SETD1B: variants seen among roughly 807,000 people sequenced by gnomAD.
SETD1B encodes the protein SET domain containing 1B, histone lysine methyltransferase, also known as histone-lysine N-methyltransferase SETD1B.
In SETD1B, 7 loss-of-function variants were observed where a neutral mutation model predicts 148.0. The observed-to-expected ratio is 0.05, with a 90% CI of 0.03 to 0.09. SETD1B has a LOEUF of 0.09. SETD1B is among the 10% of genes least tolerant of loss of function. SETD1B has a pLI of 1.00. For missense variants in SETD1B, 2,155 were observed against 2,729.9 expected (o/e 0.79, Z 4.69); for synonymous variants, 1,361 against 1,186.5 (o/e 1.15, Z -3.02).
At chr12:121,798,607 C>A in the SETD1B span, among the ~76,000 whole-genome samples, 1 of 152,214 alleles carries the variant, frequency 6.6e-6, no homozygotes, top group Non-Finnish European at 1.5e-5. Context: ...TAGCCCATGG[C>A]GAACTATCTC....
intron 4 of SETD1B, among the ~76,000 whole-genome samples, chr12:121,807,458 AAAAG>A (rs1239396425): frequency 8.2e-5 from 12 of 146,292 alleles, no homozygotes; most frequent in African/African-American, 2.8e-4. Flanking sequence ...AAAAAAAAAA[AAAAG>A]AAAAGAAAAG....
chr12:121,806,317 C>G (rs984321129), intron 4 of SETD1B, among the ~76,000 whole-genome samples: 2 of 152,046 alleles, frequency 1.3e-5, no homozygotes, highest in Admixed American at 6.5e-5. Context: ...CCAAATGTGC[C>G]GGTCCTTGGC....
chr12:121,802,254 CAA>C (rs1875411392), upstream of SETD1B: 2 of 152,208 alleles, frequency 1.3e-5, no homozygotes, highest in African/African-American at 4.8e-5. Flanking sequence ...ACAAGAGAGA[CAA>C]AGACATACAT....
chr12:121,828,155 A>G (rs1000832831), intron 16 of SETD1B, 85 bp downstream of exon 16: 1 of 1,503,676 alleles, frequency 6.7e-7, no homozygotes, highest in Non-Finnish European at 8.9e-7. Flanking sequence ...AAGCCCCGGC[A>G]CGGGAATCAG....
chr12:121,812,613 G>A (rs1196471465), intron 6 of SETD1B, among the ~76,000 whole-genome samples: 1 of 152,118 alleles, frequency 6.6e-6, no homozygotes, highest in Non-Finnish European at 1.5e-5. Flanking sequence ...GGCTGGCGGC[G>A]GCGGCCCGGG....
At chr12:121,794,693 T>TA in the SETD1B span, among the ~76,000 whole-genome samples, 1 of 152,086 alleles carries the variant, frequency 6.6e-6, no homozygotes, top group Non-Finnish European at 1.5e-5. Context: ...GAATTACCCG[T>TA]AACCCCCACC....
chr12:121,807,431 A>C (rs148920004), intron 4 of SETD1B, among the ~76,000 whole-genome samples: 201 of 135,790 alleles, frequency 1.5e-3, no homozygotes, highest in African/African-American at 4.3e-3. Context: ...GTCTCAACAA[A>C]ATTTCAATTC....
In SETD1B at chr12:121,817,662, G is replaced by A. The variant is rs756313518; in HGVS notation, c.3270G>A (p.Arg1090=). 2.6e-6 allele frequency: 4 copies of A among 1,550,810 alleles called. No individual in the cohort carries two copies. The highest frequency in any genetic ancestry group is 3.5e-6 in the Non-Finnish European group (4 of 1,146,698). ...AGGAGGAGGAGGAGGAAGTCCCCAG[G>A]AGCCAGCTCTCCTCCTCCTCAACCT... The part of the protein sequence containing the change: ...AEEEEEEEVP[R]SQLSSSSTSS... The change falls in exon 9 of 17, where the codon AGG becomes AGA. Residue 1090 remains arginine, a synonymous_variant. Coordinates refer to ENST00000604567, the MANE Select transcript of SETD1B (RefSeq NM_001353345.2). The surrounding 1 kb of genome is among the most constrained non-coding windows in gnomAD (Gnocchi z 8.1).
chr12:121,827,781 G>T lies in SETD1B; in HGVS notation c.5516G>T (p.Trp1839Leu). ...TTCTGCAAGAGCCACATTCACGACTGGGGCTTGTTCGCCATGGAGCCCATC... is the reference window on the plus strand; with the variant it reads ...TTCTGCAAGAGCCACATTCACGACTTGGGCTTGTTCGCCATGGAGCCCATC... ...LKFCKSHIHDWGLFAMEPIAA... is the reference protein window; with the variant it reads ...LKFCKSHIHDLGLFAMEPIAA... The change falls in exon 15 of 17, where the codon TGG becomes TTG. Residue 1839 changes from tryptophan (W) to leucine (L), a missense_variant. Trp to Leu is a moderately conservative substitution (Grantham distance 61, BLOSUM62 -2). Coordinates refer to ENST00000604567, the MANE Select transcript of SETD1B (RefSeq NM_001353345.2). 1 of 1,554,640 alleles carries T rather than the reference G, an allele frequency of 6.4e-7. No individual in the cohort carries two copies. Among genetic ancestry groups the T allele is most frequent in the Non-Finnish European group, 8.7e-7 (1 of 1,148,358 alleles).
chr12:121,820,001 TCA>T (rs1876493762), intron 11 of SETD1B, 106 bp downstream of exon 11: 1 of 952,364 alleles, frequency 1.1e-6, no homozygotes, highest in African/African-American at 1.7e-5. Flanking sequence ...GTCCCCAGCC[TCA>T]GTTTCCCGTG....
Position 121,805,268 on chromosome 12 carries a change from G to C in SETD1B, c.273+52G>C. 4 of 1,408,128 alleles carry C rather than the reference G, an allele frequency of 2.8e-6. No individual in the cohort carries two copies. Among genetic ancestry groups the C allele is most frequent in the Non-Finnish European group, 3.9e-6 (4 of 1,021,472 alleles). The allele number at this position is 1,408,128 out of a possible 1,614,324, so 87.2% of individuals were successfully genotyped here. ...GTCCCTCCCCCACCTCCCCGAGTTC[G>C]AAAATAACGCCAGTCCTGACCGAGC... On this transcript the variant is annotated intron_variant, in intron 3 of 16. Coordinates refer to ENST00000604567, the MANE Select transcript of SETD1B (RefSeq NM_001353345.2). The surrounding 1 kb of genome is among the most constrained non-coding windows in gnomAD (Gnocchi z 4.2).
rs183003739 is a variant in SETD1B at position 121,810,301 on chromosome 12, C to T, written c.1356C>T (p.Pro452=). 7.2e-4 allele frequency: 1,118 copies of T among 1,543,012 alleles called. 3 individuals are homozygous for T. Among genetic ancestry groups the T allele is most frequent in the South Asian group, 4.3e-3 (365 of 83,968 alleles). ...CCAAGGAGAAGCCAGGCACGCCACC[C>T]GGCCCGCCGCCCCCCGACACCAACA... is the stretch of plus-strand genomic sequence containing the variant. ...PLAKEKPGTP[P]GPPPPDTNSM... is the part of the protein sequence containing the mutation. The change falls in exon 6 of 17, where the codon CCC becomes CCT. Residue 452 remains proline, a synonymous_variant. Coordinates refer to ENST00000604567, the MANE Select transcript of SETD1B (RefSeq NM_001353345.2). This position sits in a 1 kb window ranked among gnomAD's most constrained non-coding sequence, Gnocchi z 7.6.
Position 121,817,027 on chromosome 12 carries a change from C to T in SETD1B, c.2716-6C>T, listed in dbSNP as rs552232306. The T allele has an allele frequency of 6.6e-7, 1 of 1,509,674 alleles. No individual in the cohort carries two copies. Among genetic ancestry groups the T allele is most frequent in the African/African-American group, 1.4e-5 (1 of 72,464 alleles). 93.5% of individuals were successfully genotyped at this position (1,509,674 alleles called of 1,614,324 possible). A position where few individuals can be genotyped will look rare whatever the true frequency, so the allele number is the denominator to read the frequency against. On this transcript the variant is annotated splice_region_variant and splice_polypyrimidine_tract_variant and intron_variant, in intron 7 of 16. Transcript: ENST00000604567. This position sits in a 1 kb window ranked among gnomAD's most constrained non-coding sequence, Gnocchi z 8.1. The stretch of plus-strand genomic sequence containing the variant: ...CGGTGACGGTCCCCTCCTGTCTCCA[C>T]CCCAGGCCTCGCTGACCCCGGTGAA...
In SETD1B at chr12:121,810,201, C is replaced by A; in HGVS notation, c.1256C>A (p.Ala419Asp). ...PPPEEPTATAAFGARDSGEFR... is the reference protein window; with the variant it reads ...PPPEEPTATADFGARDSGEFR... The stretch of plus-strand genomic sequence containing the variant: ...CCGGAAGAGCCCACCGCCACAGCCG[C>A]TTTTGGGGCCCGCGACAGTGGGGAG... Residue 419 changes from alanine (A) to aspartate (D), a missense_variant, in exon 6 of 17, where the codon GCT (alanine) becomes GAT (aspartate). By Grantham distance (126) the Ala-to-Asp change is moderately radical. Around this residue, in one of 11 missense-constraint regions of SETD1B, gnomAD observed 376 missense variants for 385.0 expected, o/e 0.98. Transcript: ENST00000604567. The surrounding 1 kb of genome is among the most constrained non-coding windows in gnomAD (Gnocchi z 7.6). 1.3e-6 allele frequency: 2 copies of A among 1,549,754 alleles called. No individual in the cohort carries two copies. The highest frequency in any genetic ancestry group is 1.7e-6 in the Non-Finnish European group (2 of 1,146,858).
Position 121,823,349 on chromosome 12 carries a change from A to ACCCCCCCCCCCCC in SETD1B, c.4775_4776insCCCCCCCCCCCCC (p.Pro1597ThrfsTer15). On this transcript the variant is annotated frameshift_variant, in exon 12 of 17. Transcript: ENST00000604567. LOFTEE classifies it high-confidence loss of function. ...CTCCACCACCCCTTCCCCCCCAGCC[A>ACCCCCCCCCCCCC]CCCCCACCCCCACCTCCCCCACCTG... is the stretch of plus-strand genomic sequence containing the variant. 6.0e-6 allele frequency: 1 copy of ACCCCCCCCCCCCC among 166,808 alleles called. No homozygotes were observed. The highest frequency in any genetic ancestry group is 9.3e-6 in the Non-Finnish European group (1 of 107,786). The allele number at this position is 166,808 out of a possible 1,614,324, so 10.3% of individuals were successfully genotyped here. A position where few individuals can be genotyped will look rare whatever the true frequency, so the allele number is the denominator to read the frequency against.
the SETD1B span, chr12:121,795,169 G>C: frequency 6.6e-6 from 1 of 152,456 alleles, no homozygotes; most frequent in South Asian, 2.1e-4. Context: ...GGCCGGGGAG[G>C]CACCCCAGGT....
At chr12:121,813,201 C>T (rs1198895641) in intron 6 of SETD1B, among the ~76,000 whole-genome samples, 1 of 152,244 alleles carries the variant, frequency 6.6e-6, no homozygotes, top group Non-Finnish European at 1.5e-5. Flanking sequence ...GCCCCCCGCC[C>T]TGTGAGGTTA....
In SETD1B at chr12:121,814,393, C is replaced by T; in HGVS notation, c.2178C>T (p.Pro726=). ...PPPAHPAVTV[P]PPPLPAPPGV... is the part of the protein sequence containing the mutation. The stretch of plus-strand genomic sequence containing the variant: ...CAGCCCACCCTGCTGTGACAGTGCC[C>T]CCACCACCCTTGCCAGCGCCGCCTG... The change falls in exon 7 of 17, where the codon CCC becomes CCT. Residue 726 remains proline, a synonymous_variant. Coordinates refer to ENST00000604567, the MANE Select transcript of SETD1B (RefSeq NM_001353345.2). 7.6e-7 allele frequency: 1 copy of T among 1,323,916 alleles called. No homozygotes were observed. The highest frequency in any genetic ancestry group is 1.0e-6 in the Non-Finnish European group (1 of 1,004,362). The allele number at this position is 1,323,916 out of a possible 1,614,324, so 82.0% of individuals were successfully genotyped here. A position where few individuals can be genotyped will look rare whatever the true frequency, so the allele number is the denominator to read the frequency against.
In SETD1B at chr12:121,810,628, G is replaced by A. The variant is rs1040666202; in HGVS notation, c.1683G>A (p.Ser561=). 6.5e-6 allele frequency: 10 copies of A among 1,548,258 alleles called. No homozygotes were observed. The highest frequency in any genetic ancestry group is 2.0e-5 in the Admixed American group (1 of 50,960). The change falls in exon 6 of 17, where the codon TCG becomes TCA. Residue 561 remains serine, a synonymous_variant. Transcript: ENST00000604567. The surrounding 1 kb of genome is among the most constrained non-coding windows in gnomAD (Gnocchi z 7.6). ...GCTTCCGGGGCCCCACGCCCCCCTC[G>A]TCACGCCCCTCCAGCACCGGCCTGG... ...QPGFRGPTPP[S]SRPSSTGLED...
Sources: gnomAD v4.1 joint callset for allele counts (sites outside exome capture counted in the v4.1 genomes callset) on GRCh38, gnomAD v4.1.1 for gene constraint, gnomAD v4.1.1 regional missense constraint, Gnocchi (gnomAD v3.1) non-coding constraint, MANE v1.5 for transcripts, NCBI Gene and HGNC (gene_info 2026-07-23, HGNC 2026-07-21) for gene names.